TTLL11: variants seen among roughly 807,000 people sequenced by gnomAD.
TTLL11 encodes tubulin polyglutamylase TTLL11.
In TTLL11, 42 loss-of-function variants were observed where a neutral mutation model predicts 51.7. The ratio of observed to expected loss-of-function variants is 0.81; its 90% confidence interval spans 0.64 to 1.05. The LOEUF is 1.05. TTLL11 is among the 50% of genes least tolerant of loss of function. The pLI, the probability that TTLL11 is intolerant of heterozygous loss-of-function variation, is 0.00. For missense variants in TTLL11, 799 were observed against 940.4 expected (o/e 0.85, Z 1.97); for synonymous variants, 381 against 383.5 (o/e 0.99, Z 0.08).
At chr9:121,911,459 T>A (rs1379726706) in intron 6 of TTLL11, among the ~76,000 whole-genome samples, 1 of 152,190 alleles carries the variant, frequency 6.6e-6, no homozygotes, top group Non-Finnish European at 1.5e-5. Context: ...GGATTATAAG[T>A]AATTCTACTA....
At chr9:122,059,083 C>A (rs1021803719) in intron 1 of TTLL11, among the ~76,000 whole-genome samples, 1 of 152,074 alleles carries the variant, frequency 6.6e-6, no homozygotes, top group African/African-American at 2.4e-5. Context: ...TCTCGGTGCA[C>A]CTTGAAGAAA....
chr9:121,922,848 C>G (rs1290810964), intron 6 of TTLL11, among the ~76,000 whole-genome samples: 1 of 151,522 alleles, frequency 6.6e-6, no homozygotes, highest in Non-Finnish European at 1.5e-5. Flanking sequence ...GGGATATAAA[C>G]AGATAATTTC....
At chr9:122,051,086 T>C (rs1845142838) in intron 1 of TTLL11, among the ~76,000 whole-genome samples, 1 of 152,194 alleles carries the variant, frequency 6.6e-6, no homozygotes, top group Admixed American at 6.5e-5. Flanking sequence ...AGAAAGAACA[T>C]GTTCTGAGAA....
At position 122,093,079 on chromosome 9, in the gene TTLL11, C is replaced by G; in HGVS notation, c.70G>C (p.Ala24Pro). 1 of 1,505,948 alleles carries G rather than the reference C, an allele frequency of 6.6e-7. No homozygotes were observed. The allele number at this position is 1,505,948 out of a possible 1,614,324, so 93.3% of individuals were successfully genotyped here. A position where few individuals can be genotyped will look rare whatever the true frequency, so the allele number is the denominator to read the frequency against. ...GCCTCGGCCTCAGCTTTGGCCGCCGCTTTGGCCGCAGCCACCGCCTCCGCC... is the reference window on the plus strand; with the variant it reads ...GCCTCGGCCTCAGCTTTGGCCGCCGGTTTGGCCGCAGCCACCGCCTCCGCC... ...WEAEAVAAAK[A>P]AAKAEAEATA... The change falls in exon 1 of 9, where the codon GCG becomes CCG. Residue 24 changes from alanine (A) to proline (P), a missense_variant. By Grantham distance (27) the Ala-to-Pro change is conservative. This residue lies in a region of TTLL11 where 166 missense variants were observed against 161.6 expected (regional missense o/e 1.03). Transcript: ENST00000321582.
chr9:121,964,587 G>A (rs976281531), intron 6 of TTLL11, among the ~76,000 whole-genome samples: 3 of 152,096 alleles, frequency 2.0e-5, no homozygotes, highest in Admixed American at 2.0e-4. Flanking sequence ...GTGAGCCACC[G>A]TGCCTGGCCT....
chr9:121,900,155 T>G (rs903308650), intron 6 of TTLL11, among the ~76,000 whole-genome samples: 5 of 152,202 alleles, frequency 3.3e-5, no homozygotes, highest in Non-Finnish European at 7.3e-5. Flanking sequence ...GGACCTAAAT[T>G]TAGCATTTAA....
At chr9:121,873,673 T>G (rs1838449032) in intron 6 of TTLL11, among the ~76,000 whole-genome samples, 1 of 151,306 alleles carries the variant, frequency 6.6e-6, no homozygotes, top group Admixed American at 6.6e-5. Flanking sequence ...TTCTTCTTTT[T>G]TAAGAGATAG....
chr9:121,908,231 T>G (rs1588116064), intron 6 of TTLL11, among the ~76,000 whole-genome samples: 2 of 152,254 alleles, frequency 1.3e-5, no homozygotes, highest in Non-Finnish European at 2.9e-5. Context: ...GCTGGAAGGC[T>G]GAGGGAATCC....
intron 6 of TTLL11, among the ~76,000 whole-genome samples, chr9:121,899,382 T>TATATATATATATATATAC (rs1554766951): frequency 2.6e-5 from 3 of 113,342 alleles, no homozygotes; most frequent in African/African-American, 6.4e-5. Flanking sequence ...TATATACATA[T>TATATATATATATATATAC]ATATATATAT....
intron 4 of TTLL11, among the ~76,000 whole-genome samples, chr9:121,981,895 G>A (rs1343551420): frequency 6.6e-6 from 1 of 152,136 alleles, no homozygotes; most frequent in Admixed American, 6.5e-5. Context: ...TGCCCTGTGT[G>A]AGCCCTGGAA....
chr9:122,017,800 A>G (rs1844032662), intron 3 of TTLL11, among the ~76,000 whole-genome samples: 1 of 152,198 alleles, frequency 6.6e-6, no homozygotes, highest in East Asian at 1.9e-4. Context: ...GCATCTATGC[A>G]GCACTGGCAT....
intron 6 of TTLL11, among the ~76,000 whole-genome samples, chr9:121,918,119 G>C (rs574622991): frequency 1.3e-5 from 2 of 152,298 alleles, no homozygotes; most frequent in South Asian, 4.2e-4. Flanking sequence ...AGGGTGTGGG[G>C]TGTATCAGAT....
rs1469052050 is a variant in TTLL11 at position 122,006,651 on chromosome 9, C to T, written c.694-16881G>A. Among the ~76,000 whole-genome samples the T allele has an allele frequency of 2.0e-5, 3 of 152,034 alleles. No individual in the cohort carries two copies. The East Asian group carries it at 5.8e-4, about 29-fold the overall frequency. ...ATTATGTCACAGAGTATAACGGTGC[C>T]AAAGCATTTACTTATTGAATTGTAT... On this transcript the variant is annotated intron_variant, in intron 3 of 8. Coordinates refer to ENST00000321582, the MANE Select transcript of TTLL11 (RefSeq NM_001139442.2).
At chr9:121,996,321 G>A (rs945896778) in intron 3 of TTLL11, among the ~76,000 whole-genome samples, 1 of 152,100 alleles carries the variant, frequency 6.6e-6, no homozygotes, top group African/African-American at 2.4e-5. Flanking sequence ...GGTCCCTTGG[G>A]AAGTTCCCTC....
chr9:121,834,953 G>A (rs1837143462), intron 8 of TTLL11, among the ~76,000 whole-genome samples: 1 of 152,106 alleles, frequency 6.6e-6, no homozygotes, highest in African/African-American at 2.4e-5. Flanking sequence ...TACTGAAGTT[G>A]GCCAATTTCT....
intron 3 of TTLL11, 60 bp downstream of exon 3, chr9:122,031,663 C>T: frequency 1.3e-6 from 2 of 1,581,020 alleles, no homozygotes; most frequent in South Asian, 2.4e-5. Context: ...CACACAGGAC[C>T]CAGGACACAG....
At chr9:121,895,226 G>A (rs1386882957) in intron 6 of TTLL11, among the ~76,000 whole-genome samples, 1 of 152,154 alleles carries the variant, frequency 6.6e-6, no homozygotes, top group Admixed American at 6.5e-5. Context: ...TTGCTTTGCT[G>A]CAGATAATGT....
Position 121,821,928 on chromosome 9 carries a change from C to T in TTLL11, c.*659G>A, listed in dbSNP as rs1260695142. The T allele has an allele frequency of 6.6e-6, 1 of 152,180 alleles. No individual in the cohort carries two copies. Among genetic ancestry groups the T allele is most frequent in the African/African-American group, 2.4e-5 (1 of 41,436 alleles). 9.4% of individuals were successfully genotyped at this position (152,180 alleles called of 1,614,324 possible). On this transcript the variant is annotated 3_prime_UTR_variant, in exon 9 of 9. Coordinates refer to ENST00000321582, the MANE Select transcript of TTLL11 (RefSeq NM_001139442.2). This position sits in a 1 kb window ranked among gnomAD's most constrained non-coding sequence, Gnocchi z 5.0. ...CAAACAAAATCAAACAAAATGATCT[C>T]TGAGGCTCCTGCCAGCTCTGAGGCT... is the stretch of plus-strand genomic sequence containing the variant.
At chr9:122,001,164 C>T (rs1292882249) in intron 3 of TTLL11, among the ~76,000 whole-genome samples, 1 of 152,138 alleles carries the variant, frequency 6.6e-6, no homozygotes, top group East Asian at 1.9e-4. Context: ...GGCGTGATCT[C>T]GGCTCATTGC....
Sources: gnomAD v4.1 joint callset for allele counts (sites outside exome capture counted in the v4.1 genomes callset) on GRCh38, gnomAD v4.1.1 for gene constraint, gnomAD v4.1.1 regional missense constraint, Gnocchi (gnomAD v3.1) non-coding constraint, MANE v1.5 for transcripts, NCBI Gene and HGNC (gene_info 2026-07-23, HGNC 2026-07-21) for gene names.